Variants in GULP1 observed in about 807,000 individuals in gnomAD.
GULP1 encodes GULP PTB domain containing engulfment adaptor 1, also known as PTB domain-containing engulfment adapter protein 1.
A neutral mutation model predicts 40.9 loss-of-function variants in GULP1; 19 were observed. That is an observed-to-expected ratio of 0.46 (90% CI 0.32 to 0.68). The LOEUF is 0.68. Among genes scored for constraint, GULP1 ranks in the 30% least tolerant of loss-of-function variants. The pLI, the probability that GULP1 is intolerant of heterozygous loss-of-function variation, is 0.03. For missense variants in GULP1, 312 were observed against 362.2 expected, an observed-to-expected ratio of 0.86 and a Z score of 1.12; for synonymous variants, 119 against 117.6, an observed-to-expected ratio of 1.01 and a Z score of -0.08.
chr2:188,455,984 C>T (rs2059225693), intron 2 of GULP1, among the ~76,000 whole-genome samples: 1 of 152,096 alleles, frequency 6.6e-6, no homozygotes, highest in South Asian at 2.1e-4. Flanking sequence ...TTTGCTCCTG[C>T]CCTAGAGATT....
intron 9 of GULP1, among the ~76,000 whole-genome samples, chr2:188,573,792 A>G (rs1435532047): frequency 6.6e-6 from 1 of 152,212 alleles, no homozygotes; most frequent in Admixed American, 6.5e-5. Context: ...CGTGATGCAT[A>G]TTGAATTACA....
chr2:188,566,712 C>G (rs989367988), intron 7 of GULP1, among the ~76,000 whole-genome samples: 1 of 138,352 alleles, frequency 7.2e-6, no homozygotes, highest in Non-Finnish European at 1.5e-5. Context: ...AGGAGAATCT[C>G]TTGAACTCGG....
chr2:188,530,418 T>G (rs942197436), intron 6 of GULP1, among the ~76,000 whole-genome samples: 1 of 152,216 alleles, frequency 6.6e-6, no homozygotes, highest in Non-Finnish European at 1.5e-5. Context: ...TAACATATAC[T>G]TGTTTTGGAC....
intron 2 of GULP1, among the ~76,000 whole-genome samples, chr2:188,457,001 C>T (rs546931001): frequency 3.1e-4 from 47 of 152,216 alleles, no homozygotes; most frequent in Non-Finnish European, 6.5e-4. Context: ...CCTGTAGTCC[C>T]TTGGTTTTGG....
chr2:188,347,082 A>G (rs2043784648), intron 1 of GULP1, among the ~76,000 whole-genome samples: 1 of 152,174 alleles, frequency 6.6e-6, no homozygotes, highest in South Asian at 2.1e-4. Flanking sequence ...ATCCATAGGC[A>G]GAGGAGGTAT....
chr2:188,586,920 A>G (rs1040969282), intron 10 of GULP1, among the ~76,000 whole-genome samples: 6 of 151,900 alleles, frequency 3.9e-5, no homozygotes, highest in African/African-American at 1.4e-4. Context: ...GTTTTAGGGT[A>G]CATGTGCACA....
chr2:188,479,259 T>G (rs1168513753), intron 3 of GULP1, among the ~76,000 whole-genome samples: 1 of 152,244 alleles, frequency 6.6e-6, no homozygotes, highest in African/African-American at 2.4e-5. Context: ...TAAGGCACTC[T>G]TCAACTCTGG....
chr2:188,325,099 G>C (rs1020660175), intron 1 of GULP1, among the ~76,000 whole-genome samples: 16 of 151,916 alleles, frequency 1.1e-4, no homozygotes, highest in African/African-American at 3.9e-4. Context: ...CAAGTGTATT[G>C]GTGCTAAATG....
intron 1 of GULP1, among the ~76,000 whole-genome samples, chr2:188,315,584 A>C (rs1165950389): frequency 6.6e-6 from 1 of 152,096 alleles, no homozygotes; most frequent in East Asian, 1.9e-4. Flanking sequence ...AAGAAAGTAC[A>C]AAATAAAGGT....
At chr2:188,388,479 G>A (rs1185482871) in intron 2 of GULP1, among the ~76,000 whole-genome samples, 1 of 151,924 alleles carries the variant, frequency 6.6e-6, no homozygotes, top group Admixed American at 6.6e-5. Flanking sequence ...GGAGGTGAAG[G>A]TCACAGTGAG....
intron 1 of GULP1, among the ~76,000 whole-genome samples, chr2:188,313,672 G>T (rs547587862): frequency 6.6e-6 from 1 of 152,158 alleles, no homozygotes; most frequent in South Asian, 2.1e-4. Context: ...TAGTTTGATG[G>T]GAATGTCATT....
intron 4 of GULP1, among the ~76,000 whole-genome samples, chr2:188,506,271 A>T (rs2063903290): frequency 6.6e-6 from 1 of 151,904 alleles, no homozygotes. Context: ...TCCTGGAGTT[A>T]TAATGGGACA....
chr2:188,307,342 C>T lies in GULP1; in HGVS notation c.-172+15176C>T, dbSNP rs189353529. Among the ~76,000 whole-genome samples the T allele has an allele frequency of 3.3e-5, 5 of 152,060 alleles. No homozygotes were observed. The East Asian group carries it at 9.7e-4, about 29-fold the overall frequency. On this transcript the variant is annotated intron_variant, in intron 1 of 11. Transcript: ENST00000409830. Reference sequence around the variant, plus strand: ...GATACAAAATTAATTTCTGTTTTGACATATCTGCATTAAAAAGTTATATGT... The same window carrying T: ...GATACAAAATTAATTTCTGTTTTGATATATCTGCATTAAAAAGTTATATGT...
chr2:188,539,648 A>G (rs1689914180), intron 6 of GULP1, among the ~76,000 whole-genome samples: 1 of 152,122 alleles, frequency 6.6e-6, no homozygotes, highest in Non-Finnish European at 1.5e-5. Flanking sequence ...TTTAATTTTC[A>G]TACTTACCAA....
intron 2 of GULP1, among the ~76,000 whole-genome samples, chr2:188,398,081 G>T (rs1216845623): frequency 6.6e-6 from 1 of 152,166 alleles, no homozygotes; most frequent in Non-Finnish European, 1.5e-5. Flanking sequence ...AAAGACATGT[G>T]TATTTAAAAG....
At chr2:188,430,700 C>T (rs770254449) in intron 2 of GULP1, among the ~76,000 whole-genome samples, 1 of 152,220 alleles carries the variant, frequency 6.6e-6, no homozygotes, top group Non-Finnish European at 1.5e-5. Context: ...ACTAGAACCT[C>T]TTTTCCTCCA....
chr2:188,417,781 T>C (rs1181541670), intron 2 of GULP1, among the ~76,000 whole-genome samples: 4 of 151,970 alleles, frequency 2.6e-5, no homozygotes, highest in African/African-American at 9.7e-5. Context: ...CTCATTTGTA[T>C]TTTTTTATTT....
At chr2:188,580,721 C>G (rs1701140314) in intron 9 of GULP1, among the ~76,000 whole-genome samples, 1 of 152,172 alleles carries the variant, frequency 6.6e-6, no homozygotes, top group African/African-American at 2.4e-5. Flanking sequence ...CTTTTTCTCT[C>G]TGCTTCCAGA....
intron 2 of GULP1, among the ~76,000 whole-genome samples, chr2:188,397,232 A>C (rs2051409639): frequency 6.6e-6 from 1 of 152,214 alleles, no homozygotes; most frequent in Admixed American, 6.5e-5. Context: ...CCAGTCTGCC[A>C]TCTTGTAGAA....
Sources: gnomAD v4.1 joint callset for allele counts (sites outside exome capture counted in the v4.1 genomes callset) on GRCh38, gnomAD v4.1.1 for gene constraint, MANE v1.5 for transcripts, NCBI Gene and HGNC (gene_info 2026-07-23, HGNC 2026-07-21) for gene names.